Variants in LARGE1 observed in about 807,000 individuals in gnomAD.
LARGE1 encodes LARGE xylosyl- and glucuronyltransferase 1.
LARGE1 carries 43 observed loss-of-function variants against 87.6 expected under a neutral mutation model. The observed-to-expected ratio is 0.49, with a 90% CI of 0.38 to 0.63. LARGE1 has a LOEUF of 0.63. LARGE1 is among the 30% of genes least tolerant of loss of function. LARGE1 has a pLI of 0.00. For missense variants in LARGE1, 802 were observed against 1,000.2 expected, an observed-to-expected ratio of 0.80 and a Z score of 2.67; for synonymous variants, 434 against 394.6, an observed-to-expected ratio of 1.10 and a Z score of -1.18.
At chr22:33,566,380 C>T (rs1250977118) in intron 5 of LARGE1, among the ~76,000 whole-genome samples, 2 of 152,192 alleles carry the variant, frequency 1.3e-5, no homozygotes, top group Non-Finnish European at 2.9e-5. Flanking sequence ...AAAACAACTA[C>T]GTGTAATCAA....
intron 1 of LARGE1, among the ~76,000 whole-genome samples, chr22:33,910,834 T>C (rs939882507): frequency 1.3e-5 from 2 of 152,054 alleles, no homozygotes; most frequent in Non-Finnish European, 2.9e-5. Context: ...AGGTGAAGCC[T>C]AGTAGGCTAG....
At chr22:33,551,442 G>A (rs1476721290) in intron 6 of LARGE1, among the ~76,000 whole-genome samples, 5 of 152,212 alleles carry the variant, frequency 3.3e-5, no homozygotes, top group Non-Finnish European at 7.3e-5. Flanking sequence ...TCATGAGGCT[G>A]CTGCTTAGCC....
intron 1 of LARGE1, among the ~76,000 whole-genome samples, chr22:33,828,039 T>A (rs553633539): frequency 6.6e-6 from 1 of 152,246 alleles, no homozygotes; most frequent in East Asian, 1.9e-4. Context: ...TTGCTAAGAT[T>A]TGGGCAGATG....
At chr22:33,897,407 G>A (rs575999902) in intron 1 of LARGE1, among the ~76,000 whole-genome samples, 5 of 152,286 alleles carry the variant, frequency 3.3e-5, no homozygotes, top group Admixed American at 2.0e-4. Flanking sequence ...GCAGAATAAG[G>A]GGTTCCTTCC....
intron 1 of LARGE1, among the ~76,000 whole-genome samples, chr22:33,919,761 G>A (rs1191515256): frequency 6.6e-6 from 1 of 152,238 alleles, no homozygotes; most frequent in Non-Finnish European, 1.5e-5. Context: ...CTCCCTGCCA[G>A]CAGCCTGTGT....
intron 2 of LARGE1, among the ~76,000 whole-genome samples, chr22:33,663,284 C>T (rs999153026): frequency 3.9e-5 from 6 of 152,176 alleles, no homozygotes; most frequent in African/African-American, 1.2e-4. Flanking sequence ...TGTGTTAATA[C>T]TTATTAAGGT....
chr22:33,805,960 T>C (rs919972558), intron 1 of LARGE1, among the ~76,000 whole-genome samples: 1 of 152,142 alleles, frequency 6.6e-6, no homozygotes, highest in Non-Finnish European at 1.5e-5. Context: ...TAAAATAAAA[T>C]GAGCTATTTT....
chr22:33,794,689 C>T (rs533879295), intron 1 of LARGE1, among the ~76,000 whole-genome samples: 5 of 86,388 alleles, frequency 5.8e-5, no homozygotes, highest in South Asian at 5.3e-4. Flanking sequence ...GGCACGATCT[C>T]GGCTCACTGC....
intron 2 of LARGE1, among the ~76,000 whole-genome samples, chr22:33,696,787 A>G (rs2082266628): frequency 6.6e-6 from 1 of 152,034 alleles, no homozygotes; most frequent in African/African-American, 2.4e-5. Context: ...TAATTTACCT[A>G]TGGTGGTTTT....
At chr22:33,348,491 G>T (rs1044567302) in intron 9 of LARGE1, among the ~76,000 whole-genome samples, 1 of 152,160 alleles carries the variant, frequency 6.6e-6, no homozygotes, top group African/African-American at 2.4e-5. Flanking sequence ...TAATGGCATT[G>T]TAGTAGGTAA....
At chr22:33,609,173 G>T (rs966925696) in intron 4 of LARGE1, among the ~76,000 whole-genome samples, 2 of 152,160 alleles carry the variant, frequency 1.3e-5, no homozygotes, top group African/African-American at 2.4e-5. Flanking sequence ...AGCTACGAGT[G>T]TTCTCTACAG....
chr22:33,541,089 A>C (rs1297886372), intron 6 of LARGE1, among the ~76,000 whole-genome samples: 1 of 64,542 alleles, frequency 1.5e-5, no homozygotes, highest in Non-Finnish European at 3.0e-5. Context: ...TTGCAGGGGG[A>C]GAATCACCCA....
At chr22:33,913,583 C>T (rs553313830) in intron 1 of LARGE1, among the ~76,000 whole-genome samples, 1 of 152,078 alleles carries the variant, frequency 6.6e-6, no homozygotes, top group African/African-American at 2.4e-5. Context: ...CTTGCTCTTT[C>T]CCCAGGCTGG....
intron 7 of LARGE1, among the ~76,000 whole-genome samples, chr22:33,425,822 C>T (rs1474229739): frequency 1.3e-5 from 2 of 152,158 alleles, no homozygotes; most frequent in Non-Finnish European, 2.9e-5. Context: ...CTGCAACCTC[C>T]GCCTTCTAGG....
chr22:33,714,731 T>C (rs1472582183), intron 2 of LARGE1, among the ~76,000 whole-genome samples: 5 of 152,160 alleles, frequency 3.3e-5, no homozygotes. Context: ...CTCAGGTACT[T>C]GCGTGAAAGA....
At chr22:33,351,048 G>A (rs1445758979) in intron 9 of LARGE1, among the ~76,000 whole-genome samples, 1 of 152,222 alleles carries the variant, frequency 6.6e-6, no homozygotes. Flanking sequence ...TGCCTGAAAT[G>A]ACAATTGATC....
chr22:33,882,870 C>T (rs887079823), intron 1 of LARGE1, among the ~76,000 whole-genome samples: 4 of 152,154 alleles, frequency 2.6e-5, no homozygotes, highest in Admixed American at 6.5e-5. Flanking sequence ...ACTGATGGAG[C>T]GCTCTTTTAA....
intron 6 of LARGE1, among the ~76,000 whole-genome samples, chr22:33,458,194 T>C (rs147825948): frequency 0.017 from 2,553 of 148,256 alleles, 38 homozygotes; most frequent in Middle Eastern, 0.036. Flanking sequence ...GCAAGCTCCA[T>C]CTCCCGGGTT....
intron 1 of LARGE1, among the ~76,000 whole-genome samples, chr22:33,898,470 C>T (rs527624721): frequency 3.5e-4 from 53 of 152,380 alleles, no homozygotes; most frequent in African/African-American, 1.3e-3. Context: ...CTTCTTAAGA[C>T]TGGCCGAGCA....
Sources: allele counts gnomAD v4.1 joint callset (sites outside exome capture counted in the v4.1 genomes callset), GRCh38; gene constraint gnomAD v4.1.1; transcripts MANE v1.5; gene names NCBI Gene and HGNC (gene_info 2026-07-23, HGNC 2026-07-21).